The following NRG1 variants were observed in gnomAD, a reference collection of about 807,000 sequenced individuals.
The protein encoded by NRG1 is neuregulin 1, also known as pro-neuregulin-1, membrane-bound isoform.
NRG1 carries 18 observed loss-of-function variants against 63.8 expected under a neutral mutation model. The ratio of observed to expected loss-of-function variants is 0.28; its 90% CI spans 0.19 to 0.42. NRG1 has a LOEUF of 0.42. Among genes scored for constraint, NRG1 ranks in the 10% least tolerant of loss-of-function variants. The pLI, the probability that NRG1 is intolerant of heterozygous loss-of-function variation, is 1.00. For missense variants in NRG1, 762 were observed against 814.7 expected, an observed-to-expected ratio of 0.94 and a Z score of 0.79; for synonymous variants, 302 against 301.3, an observed-to-expected ratio of 1.00 and a Z score of -0.02.
intron 1 of NRG1, among the ~76,000 whole-genome samples, chr8:32,066,446 C>G (rs1824830911): frequency 2.0e-5 from 3 of 152,178 alleles, no homozygotes; most frequent in Admixed American, 6.5e-5. Flanking sequence ...AATAGGGAAT[C>G]CTTTCCCCAT....
At chr8:32,740,415 C>T (rs1826043856) in intron 6 of NRG1, among the ~76,000 whole-genome samples, 1 of 152,018 alleles carries the variant, frequency 6.6e-6, no homozygotes, top group African/African-American at 2.4e-5. Flanking sequence ...AGGCTGGTCT[C>T]AAACACCTGA....
chr8:32,056,751 C>T (rs1354466474), intron 1 of NRG1, among the ~76,000 whole-genome samples: 1 of 152,026 alleles, frequency 6.6e-6, no homozygotes, highest in Non-Finnish European at 1.5e-5. Context: ...TATATGAGAC[C>T]CAGGGGGAAA....
chr8:31,818,082 A>C (rs62508602), intron 1 of NRG1, among the ~76,000 whole-genome samples: 33,554 of 152,146 alleles, frequency 0.22, 4,852 homozygotes, highest in East Asian at 0.68. Flanking sequence ...CAAGAATGTT[A>C]TAAGAAAGAT....
downstream of NRG1, among the ~76,000 whole-genome samples, chr8:32,768,225 C>A (rs1831569284): frequency 6.6e-6 from 1 of 152,206 alleles, no homozygotes; most frequent in Non-Finnish European, 1.5e-5. Flanking sequence ...CCTCCATACA[C>A]AATAACAGAG....
At chr8:32,693,417 C>T (rs1812363293) in intron 5 of NRG1, among the ~76,000 whole-genome samples, 1 of 151,940 alleles carries the variant, frequency 6.6e-6, no homozygotes, top group South Asian at 2.1e-4. Context: ...TGAGGTTTCA[C>T]ATGTTAGCCA....
chr8:31,809,321 TC>T (rs1563427758), intron 1 of NRG1, among the ~76,000 whole-genome samples: 1 of 139,030 alleles, frequency 7.2e-6, no homozygotes, highest in Non-Finnish European at 1.6e-5. Flanking sequence ...GTTTTTTTTT[TC>T]TCTCTCTCTC....
intron 1 of NRG1, among the ~76,000 whole-genome samples, chr8:31,718,053 C>T (rs1434576085): frequency 1.3e-5 from 2 of 152,128 alleles, no homozygotes; most frequent in Non-Finnish European, 2.9e-5. Flanking sequence ...TGTCTTGACT[C>T]TCTTAAAAAC....
At chr8:32,181,070 G>A (rs893750707) in intron 1 of NRG1, among the ~76,000 whole-genome samples, 1 of 152,076 alleles carries the variant, frequency 6.6e-6, no homozygotes, top group Non-Finnish European at 1.5e-5. Context: ...TGTGGTTTTG[G>A]TGCCTACATT....
intron 9 of NRG1, 142 bp downstream of exon 9, chr8:32,756,671 G>T (rs1434365369): frequency 6.9e-6 from 8 of 1,167,318 alleles, no homozygotes; most frequent in Non-Finnish European, 7.0e-6. Flanking sequence ...TTTGCCAGGA[G>T]AAAATAATGG....
chr8:32,380,393 A>G (rs1250327608), intron 1 of NRG1, among the ~76,000 whole-genome samples: 1 of 152,040 alleles, frequency 6.6e-6, no homozygotes, highest in Non-Finnish European at 1.5e-5. Flanking sequence ...TGCTCTTTTT[A>G]GGTGACCCCT....
At position 32,734,320 on chromosome 8, in the gene NRG1, C is replaced by CA. The variant is rs1477687501; in HGVS notation, c.632+6243dup. 3.9e-5 allele frequency among the ~76,000 whole-genome samples: 6 copies of CA among 152,320 alleles called. No homozygotes were observed. In the South Asian group the frequency reaches 8.3e-4, roughly 21 times the overall value. On this transcript the variant is annotated intron_variant, in intron 6 of 11. Transcript: ENST00000356819. Reference sequence around the variant, plus strand: ...AAACAAGGGGGCAACGGTACAAACTCACAGTTGTGTCCTGCAGTCTCATCA... The same window carrying CA: ...AAACAAGGGGGCAACGGTACAAACTCAACAGTTGTGTCCTGCAGTCTCATCA...
chr8:31,644,715 T>C (rs1210038694), intron 1 of NRG1, among the ~76,000 whole-genome samples: 3 of 152,162 alleles, frequency 2.0e-5, no homozygotes, highest in East Asian at 3.8e-4. Context: ...ATTTTCTTCC[T>C]GTTTTTTTTT....
intron 1 of NRG1, among the ~76,000 whole-genome samples, chr8:32,233,565 T>TATATATATATATATA (rs1563934722): frequency 1.5e-4 from 3 of 19,600 alleles, no homozygotes; most frequent in African/African-American, 5.6e-4. Flanking sequence ...ATATATATAT[T>TATATATATATATATA]TTTTTTTTTT....
intron 1 of NRG1, among the ~76,000 whole-genome samples, chr8:32,421,721 C>T (rs1291499546): frequency 3.9e-5 from 6 of 152,168 alleles, no homozygotes; most frequent in Non-Finnish European, 7.3e-5. Flanking sequence ...ATGATGCTTT[C>T]CTTAGGAAAA....
chr8:32,773,064 T>C (rs189249488), intron 7 of NRG1, among the ~76,000 whole-genome samples: 1 of 152,316 alleles, frequency 6.6e-6, no homozygotes, highest in African/African-American at 2.4e-5. Flanking sequence ...TCAAAAGTTC[T>C]GAAGTCGGAA....
At chr8:31,681,991 G>C (rs1808387373) in intron 1 of NRG1, among the ~76,000 whole-genome samples, 1 of 152,048 alleles carries the variant, frequency 6.6e-6, no homozygotes, top group African/African-American at 2.4e-5. Context: ...ATTAGGGTCT[G>C]CTCTTAGTGC....
At chr8:31,666,518 C>T (rs187173546) in intron 1 of NRG1, among the ~76,000 whole-genome samples, 345 of 152,214 alleles carry the variant, frequency 2.3e-3, no homozygotes, top group African/African-American at 8.1e-3. Flanking sequence ...ACTTTTTATT[C>T]TGAAGAAAAA....
intron 1 of NRG1, among the ~76,000 whole-genome samples, chr8:31,871,177 C>G (rs1036468258): frequency 9.2e-5 from 14 of 152,068 alleles, no homozygotes. Context: ...GGGTTTCACC[C>G]TGATGGCCAG....
At chr8:31,908,754 T>G in intron 1 of NRG1, among the ~76,000 whole-genome samples, 1 of 152,178 alleles carries the variant, frequency 6.6e-6, no homozygotes, top group East Asian at 1.9e-4. Flanking sequence ...ATTATATATT[T>G]GTATTACATA....
Sources: gnomAD v4.1 joint callset for allele counts (sites outside exome capture counted in the v4.1 genomes callset) on GRCh38, gnomAD v4.1.1 for gene constraint, MANE v1.5 for transcripts, NCBI Gene and HGNC (gene_info 2026-07-23, HGNC 2026-07-21) for gene names.